DLGAP2: variants seen among roughly 807,000 people sequenced by gnomAD.
DLGAP2 encodes the protein disks large-associated protein 2.
A neutral mutation model predicts 100.3 loss-of-function variants in DLGAP2; 26 were observed. The ratio of observed to expected loss-of-function variants is 0.26; its 90% CI spans 0.19 to 0.36. DLGAP2 has a LOEUF of 0.36. Among genes scored for constraint, DLGAP2 ranks in the 10% least tolerant of loss-of-function variants. The pLI is 1.00. For synonymous variants in DLGAP2, 886 were observed against 630.1 expected (o/e 1.41, Z -6.08); for missense variants, 1,858 against 1,453.2 (o/e 1.28, Z -4.53).
At chr8:1,287,338 G>T (rs1799949145) in intron 3 of DLGAP2, among the ~76,000 whole-genome samples, 1 of 134,520 alleles carries the variant, frequency 7.4e-6, no homozygotes, top group African/African-American at 2.9e-5. Flanking sequence ...TGTGTGCGTG[G>T]TTCTGTTAGG....
chr8:751,415 G>T (rs931017036), intron 1 of DLGAP2, among the ~76,000 whole-genome samples: 4 of 152,244 alleles, frequency 2.6e-5, no homozygotes, highest in Non-Finnish European at 5.9e-5. Flanking sequence ...CGCTCAGGAG[G>T]TGTCGCGCCA....
At chr8:1,407,768 G>T (rs1796610599) in intron 3 of DLGAP2, among the ~76,000 whole-genome samples, 1 of 148,000 alleles carries the variant, frequency 6.8e-6, no homozygotes, top group Non-Finnish European at 1.5e-5. Flanking sequence ...TGTATTGAGT[G>T]CTTACTGAGC....
At chr8:1,457,534 G>C (rs1584923546) in intron 3 of DLGAP2, among the ~76,000 whole-genome samples, 1 of 152,314 alleles carries the variant, frequency 6.6e-6, no homozygotes, top group Non-Finnish European at 1.5e-5. Context: ...CAAGCTGATG[G>C]CAGCAAGTTG....
intron 3 of DLGAP2, among the ~76,000 whole-genome samples, chr8:1,434,668 G>C (rs1038894817): frequency 6.6e-6 from 1 of 152,146 alleles, no homozygotes; most frequent in Non-Finnish European, 1.5e-5. Flanking sequence ...TAGAGATGGG[G>C]TGTCACTATG....
At position 955,744 on chromosome 8, in the gene DLGAP2, T is replaced by A. The variant is rs531520088; in HGVS notation, c.73+47778T>A. ...AGTCTTACATGAATTTTAAATAGGATTGCATTGTTGCAATCTTCCGGCTTG... is the reference window on the plus strand; with the variant it reads ...AGTCTTACATGAATTTTAAATAGGAATGCATTGTTGCAATCTTCCGGCTTG... On this transcript the variant is annotated intron_variant, in intron 2 of 14. Transcript: ENST00000637795. 3.3e-5 allele frequency among the ~76,000 whole-genome samples: 5 copies of A among 152,350 alleles called. No individual in the cohort carries two copies. The East Asian group carries it at 7.7e-4, about 23-fold the overall frequency.
intron 6 of DLGAP2, among the ~76,000 whole-genome samples, chr8:1,614,176 C>T (rs1057328358): frequency 1.3e-5 from 2 of 152,158 alleles, no homozygotes; most frequent in African/African-American, 2.4e-5. Flanking sequence ...GGATCCTTCA[C>T]AAACCCCACC....
Position 747,402 on chromosome 8 carries a change from C to T in DLGAP2, c.18+9577C>T, listed in dbSNP as rs541309426. On this transcript the variant is annotated intron_variant, in intron 1 of 14. Coordinates refer to ENST00000637795, the MANE Select transcript of DLGAP2 (RefSeq NM_001346810.2). ...CGCGATGGGCTTCTCCGCCGGGCCTCGCTTAGGCATCTTTGGTCCCAAGTT... is the reference window on the plus strand; with the variant it reads ...CGCGATGGGCTTCTCCGCCGGGCCTTGCTTAGGCATCTTTGGTCCCAAGTT... 9.2e-5 allele frequency among the ~76,000 whole-genome samples: 14 copies of T among 152,036 alleles called. No homozygotes were observed. The South Asian group carries it at 2.5e-3, about 27-fold the overall frequency.
intron 2 of DLGAP2, among the ~76,000 whole-genome samples, chr8:950,009 A>G (rs939060884): frequency 1.3e-5 from 2 of 152,222 alleles, no homozygotes; most frequent in African/African-American, 4.8e-5. Flanking sequence ...ACACTCGGAC[A>G]AATCGCTGCA....
chr8:1,477,815 C>T (rs183433538), intron 3 of DLGAP2, among the ~76,000 whole-genome samples: 1 of 147,648 alleles, frequency 6.8e-6, no homozygotes, highest in Non-Finnish European at 1.5e-5. Flanking sequence ...AAAAAAGGTG[C>T]CTAATGAAAT....
At chr8:1,524,190 C>T (rs191931310) in intron 4 of DLGAP2, among the ~76,000 whole-genome samples, 88 of 152,248 alleles carry the variant, frequency 5.8e-4, no homozygotes, top group African/African-American at 1.8e-3. Flanking sequence ...GGGTGTGCGT[C>T]GGGGTCAGCC....
intron 3 of DLGAP2, among the ~76,000 whole-genome samples, chr8:1,430,006 A>G (rs1797368362): frequency 1.4e-5 from 1 of 71,062 alleles, no homozygotes; most frequent in Non-Finnish European, 2.6e-5. Flanking sequence ...GCATATATAT[A>G]CATATATATA....
chr8:1,650,731 GGA>G (rs1798142617), intron 8 of DLGAP2, among the ~76,000 whole-genome samples: 1 of 150,552 alleles, frequency 6.6e-6, no homozygotes, highest in African/African-American at 2.5e-5. Context: ...GACAGTTGCT[GGA>G]GCAGAGGTGG....
intron 1 of DLGAP2, among the ~76,000 whole-genome samples, chr8:829,848 A>G (rs1796749356): frequency 6.6e-6 from 1 of 152,200 alleles, no homozygotes; most frequent in Non-Finnish European, 1.5e-5. Flanking sequence ...TTGTCAATCA[A>G]ATATTCAAAA....
chr8:759,779 C>T (rs1821031974), intron 1 of DLGAP2, among the ~76,000 whole-genome samples: 1 of 152,212 alleles, frequency 6.6e-6, no homozygotes, highest in Admixed American at 6.5e-5. Flanking sequence ...CTACCTCTTC[C>T]CCTCTCTCGA....
chr8:765,089 C>A (rs1013774383), intron 1 of DLGAP2, among the ~76,000 whole-genome samples: 4 of 152,142 alleles, frequency 2.6e-5, no homozygotes, highest in Admixed American at 2.6e-4. Context: ...CAGAAAGGGA[C>A]TTGAGGAAAT....
chr8:884,461 C>G (rs1440147071), intron 1 of DLGAP2, among the ~76,000 whole-genome samples: 3 of 150,372 alleles, frequency 2.0e-5, no homozygotes, highest in South Asian at 2.1e-4. Flanking sequence ...CTGTTCATAT[C>G]TTTTGCCCAC....
At chr8:1,180,943 CGAG>C (rs1797374378) in intron 2 of DLGAP2, among the ~76,000 whole-genome samples, 1 of 117,256 alleles carries the variant, frequency 8.5e-6, no homozygotes, top group Non-Finnish European at 1.7e-5. Context: ...CACTTACTGT[CGAG>C]TGTGGGTGGC....
intron 3 of DLGAP2, among the ~76,000 whole-genome samples, chr8:1,297,888 G>A (rs1337339209): frequency 9.8e-5 from 5 of 50,836 alleles, no homozygotes; most frequent in African/African-American, 5.0e-4. Flanking sequence ...AGACAGGGAG[G>A]AGAAACGTGG....
chr8:1,091,944 G>T (rs1265873531), intron 2 of DLGAP2, among the ~76,000 whole-genome samples: 1 of 152,092 alleles, frequency 6.6e-6, no homozygotes, highest in African/African-American at 2.4e-5. Context: ...CAGCCTCTGG[G>T]AGTTCCATGT....
Sources: allele counts gnomAD v4.1 joint callset (sites outside exome capture counted in the v4.1 genomes callset), GRCh38; gene constraint gnomAD v4.1.1; transcripts MANE v1.5; gene names NCBI Gene and HGNC (gene_info 2026-07-23, HGNC 2026-07-21).